The following DCDC2C variants were observed in gnomAD, a reference collection of about 807,000 sequenced individuals.
DCDC2C encodes the protein doublecortin domain-containing protein 2C.
Under a neutral mutation model 45.0 loss-of-function variants are expected in DCDC2C, and 44 were observed. That is an observed-to-expected ratio of 0.98 (90% CI 0.77 to 1.26). The LOEUF is 1.26. DCDC2C is among the 50% of genes most tolerant of loss of function. The probability of loss-of-function intolerance (pLI) is 0.00; values close to 1 mark genes in which losing one functional copy is unlikely to be tolerated. For synonymous variants in DCDC2C, 187 were observed against 178.8 expected, an observed-to-expected ratio of 1.05 and a Z score of -0.37; for missense variants, 447 against 468.9, an observed-to-expected ratio of 0.95 and a Z score of 0.43.
chr2:3,821,302 G>A (rs755159550), intron 10 of DCDC2C, among the ~76,000 whole-genome samples: 19 of 152,194 alleles, frequency 1.2e-4, no homozygotes, highest in Non-Finnish European at 2.5e-4. Flanking sequence ...GCAGGTCACA[G>A]GGGATATGAT....
intron 3 of DCDC2C, 107 bp downstream of exon 3, chr2:3,727,186 C>T (rs111248028): frequency 1.2e-6 from 1 of 833,640 alleles, no homozygotes. Context: ...GTCCCTCCTC[C>T]CCTCCCCTCC....
At chr2:3,740,951 T>G (rs1669187776) in intron 3 of DCDC2C, among the ~76,000 whole-genome samples, 1 of 152,234 alleles carries the variant, frequency 6.6e-6, no homozygotes, top group South Asian at 2.1e-4. Flanking sequence ...TGAGCTTATA[T>G]ATTGTTAAAG....
intron 4 of DCDC2C, among the ~76,000 whole-genome samples, chr2:3,746,875 T>C (rs1669379323): frequency 6.6e-6 from 1 of 152,062 alleles, no homozygotes; most frequent in Admixed American, 6.6e-5. Flanking sequence ...GGCGGATCTG[T>C]CCTGGGTTCT....
At chr2:3,780,134 T>C (rs975821473) in intron 9 of DCDC2C, among the ~76,000 whole-genome samples, 1 of 152,142 alleles carries the variant, frequency 6.6e-6, no homozygotes. Flanking sequence ...TTTTATTTCT[T>C]TGGCACCCTC....
rs1355344767 is a variant in DCDC2C, at chr2:3,801,522, G to T, written c.1065+16422G>T. 2.6e-5 allele frequency among the ~76,000 whole-genome samples: 4 copies of T among 152,330 alleles called. No homozygotes were observed. In the East Asian group the frequency reaches 7.7e-4, roughly 29 times the overall value. On this transcript the variant is annotated intron_variant, in intron 10 of 10. Transcript: ENST00000399143. ...ATGTTTATGAGTCAGAAATTAAGAA[G>T]AAAAAATCTCTAAAACTGTAACACA... is the stretch of plus-strand genomic sequence containing the variant.
intron 10 of DCDC2C, among the ~76,000 whole-genome samples, chr2:3,811,800 A>G (rs1427715022): frequency 6.6e-6 from 1 of 152,172 alleles, no homozygotes; most frequent in Non-Finnish European, 1.5e-5. Context: ...GAGATGTTGA[A>G]TTTTATCAAA....
chr2:3,742,081 G>A (rs921611043), intron 4 of DCDC2C, 33 bp downstream of exon 4: 33 of 1,491,188 alleles, frequency 2.2e-5, no homozygotes, highest in Admixed American at 7.7e-5. Context: ...GACAGCCAGG[G>A]GGCGGCAGCT....
chr2:3,704,962 C>T (rs1668026839), intron 1 of DCDC2C, among the ~76,000 whole-genome samples: 1 of 152,100 alleles, frequency 6.6e-6, no homozygotes, highest in Non-Finnish European at 1.5e-5. Flanking sequence ...TCTCTGTTTC[C>T]TTGTAGGTTT....
chr2:3,777,220 A>G (rs1670366232), intron 8 of DCDC2C, among the ~76,000 whole-genome samples: 1 of 152,254 alleles, frequency 6.6e-6, no homozygotes, highest in South Asian at 2.1e-4. Flanking sequence ...ATTTTACATT[A>G]GTAGTCAATT....
At chr2:3,813,978 A>G (rs1258463821) in intron 10 of DCDC2C, among the ~76,000 whole-genome samples, 1 of 152,052 alleles carries the variant, frequency 6.6e-6, no homozygotes, top group Non-Finnish European at 1.5e-5. Flanking sequence ...GTTATTTTGC[A>G]GAGTTGTTTA....
intron 10 of DCDC2C, among the ~76,000 whole-genome samples, chr2:3,830,470 C>T (rs1354075303): frequency 2.0e-5 from 3 of 152,118 alleles, no homozygotes; most frequent in Non-Finnish European, 2.9e-5. Context: ...CCACTCAGGC[C>T]CATTGCAGGG....
At chr2:3,797,956 T>A (rs1244876151) in intron 10 of DCDC2C, among the ~76,000 whole-genome samples, 1 of 151,294 alleles carries the variant, frequency 6.6e-6, no homozygotes, top group Non-Finnish European at 1.5e-5. Flanking sequence ...ATCTGTCTAA[T>A]GTTGACAGTG....
rs1435539582 is a variant in DCDC2C at position 3,769,400 on chromosome 2, C to G, written c.943C>G (p.Pro315Ala). The G allele has an allele frequency of 1.9e-6, 3 of 1,550,356 alleles. No homozygotes were observed. The Admixed American group carries it at 5.9e-5, about 30-fold the overall frequency. The change falls in exon 8 of 11, where the codon CCT becomes GCT. Residue 315 changes from proline to alanine, a missense_variant. Physicochemically the swap from Pro to Ala is conservative, Grantham distance 27 (BLOSUM62 -1). Transcript: ENST00000399143. Reference protein sequence around the residue: ...KEEHNVQLEVPVDQRQAEIVK... With the variant: ...KEEHNVQLEVAVDQRQAEIVK... ...GGAGCACAATGTGCAGCTGGAGGTG[C>G]CTGTGGACCAGGTGGGTGTCCGGGG...
intron 8 of DCDC2C, among the ~76,000 whole-genome samples, chr2:3,771,130 A>T (rs551439031): frequency 6.6e-6 from 1 of 152,240 alleles, no homozygotes; most frequent in Non-Finnish European, 1.5e-5. Flanking sequence ...GAGCTAGGTC[A>T]TCCGTCCTCC....
intron 9 of DCDC2C, among the ~76,000 whole-genome samples, chr2:3,782,718 A>T (rs1187982337): frequency 6.6e-6 from 1 of 152,054 alleles, no homozygotes; most frequent in Admixed American, 6.5e-5. Context: ...TGACCTCATG[A>T]TCCACCCACG....
chr2:3,715,632 G>A (rs900779398), intron 2 of DCDC2C, among the ~76,000 whole-genome samples: 17 of 147,492 alleles, frequency 1.2e-4, no homozygotes, highest in African/African-American at 4.4e-4. Context: ...GAATGCTTGT[G>A]TATTTGGAAG....
chr2:3,772,871 C>T (rs1670219449), intron 8 of DCDC2C, among the ~76,000 whole-genome samples: 1 of 152,188 alleles, frequency 6.6e-6, no homozygotes, highest in African/African-American at 2.4e-5. Flanking sequence ...CGTTTCAAGG[C>T]TCCTAGCTGT....
intron 9 of DCDC2C, among the ~76,000 whole-genome samples, chr2:3,780,681 G>A (rs571036366): frequency 3.7e-4 from 56 of 152,266 alleles, no homozygotes; most frequent in African/African-American, 1.3e-3. Flanking sequence ...GAGCTTCACC[G>A]TGCACCAGGC....
At chr2:3,724,302 T>G (rs13005837) in intron 2 of DCDC2C, among the ~76,000 whole-genome samples, 67,567 of 151,938 alleles carry the variant, frequency 0.44, 15,294 homozygotes, top group East Asian at 0.5. Context: ...CTGCCTCTCG[T>G]GCAGCTCTCT....
Sources: allele counts gnomAD v4.1 joint callset (sites outside exome capture counted in the v4.1 genomes callset), GRCh38; gene constraint gnomAD v4.1.1; transcripts MANE v1.5; gene names NCBI Gene and HGNC (gene_info 2026-07-23, HGNC 2026-07-21).